The following NAA50 variants were observed in gnomAD, a reference collection of about 807,000 sequenced individuals.
NAA50 encodes N-alpha-acetyltransferase 50.
In NAA50, 7 loss-of-function variants were observed where a neutral mutation model predicts 20.7. The ratio of observed to expected loss-of-function variants is 0.34; its 90% CI spans 0.19 to 0.63. The LOEUF (loss-of-function observed/expected upper bound fraction) is 0.63, where lower values mean the gene tolerates loss of function less well. Ranked by LOEUF, NAA50 falls within the 30% of genes least tolerant of loss-of-function variation. The pLI, the probability that NAA50 is intolerant of heterozygous loss-of-function variation, is 0.75. For missense variants in NAA50, 111 were observed against 199.1 expected (o/e 0.56, Z 2.66); for synonymous variants, 54 against 70.6 (o/e 0.77, Z 1.18).
intron 1 of NAA50, among the ~76,000 whole-genome samples, chr3:113,740,610 A>C (rs1047901958): frequency 5.3e-5 from 8 of 152,300 alleles, no homozygotes; most frequent in African/African-American, 1.9e-4. Context: ...TCCTGGGCTC[A>C]AGTGATCCTC....
intron 1 of NAA50, among the ~76,000 whole-genome samples, chr3:113,728,893 G>A (rs951335736): frequency 6.6e-6 from 1 of 151,944 alleles, no homozygotes; most frequent in Non-Finnish European, 1.5e-5. Context: ...TCAATTGATG[G>A]CCTCTCCATC....
intron 1 of NAA50, among the ~76,000 whole-genome samples, chr3:113,741,604 T>A (rs1023650637): frequency 6.6e-6 from 1 of 152,222 alleles, no homozygotes; most frequent in Non-Finnish European, 1.5e-5. Flanking sequence ...ACTCTACTGA[T>A]CACATGTGCA....
chr3:113,721,795 C>T lies in NAA50; in HGVS notation c.475G>A (p.Gly159Ser). The stretch of plus-strand genomic sequence containing the variant: ...GTCTTTTGCACATCTGCATTCTGAC[C>T]AGAAGGAACTTTGAGGTTTTTCTGC... ...VLQKNLKVPS[G>S]QNADVQKTDN The change falls in exon 5 of 5, where the codon GGT becomes AGT. Residue 159 changes from glycine (G) to serine (S), a missense_variant. Coordinates refer to ENST00000240922, the MANE Select transcript of NAA50 (RefSeq NM_025146.4). 1 of 1,613,864 alleles carries T rather than the reference C, an allele frequency of 6.2e-7. No homozygotes were observed. Among genetic ancestry groups the T allele is most frequent in the African/African-American group, 1.3e-5 (1 of 75,012 alleles).
Position 113,718,296 on chromosome 3 carries a change from TG to T in NAA50, c.*3463del, listed in dbSNP as rs757022645. The stretch of plus-strand genomic sequence containing the variant: ...CCTCTAGCCTTGTCAAGCTTCAAGA[TG>T]GTACAGTCCTGGCTAACAGCTTGAC... On this transcript the variant is annotated 3_prime_UTR_variant, in exon 5 of 5. Coordinates refer to ENST00000240922, the MANE Select transcript of NAA50 (RefSeq NM_025146.4). 2 of 152,224 alleles carry T rather than the reference TG, an allele frequency of 1.3e-5. No individual in the cohort carries two copies. Among genetic ancestry groups the T allele is most frequent in the Non-Finnish European group, 2.9e-5 (2 of 68,038 alleles). The allele number at this position is 152,224 out of a possible 1,614,324, so 9.4% of individuals were successfully genotyped here.
At chr3:113,735,391 A>C (rs1708325066) in intron 1 of NAA50, among the ~76,000 whole-genome samples, 1 of 152,194 alleles carries the variant, frequency 6.6e-6, no homozygotes, top group South Asian at 2.1e-4. Context: ...TTTAACACCC[A>C]TCTAAATTAA....
intron 1 of NAA50, among the ~76,000 whole-genome samples, chr3:113,739,764 T>C (rs1229194223): frequency 1.3e-5 from 2 of 152,186 alleles, no homozygotes; most frequent in African/African-American, 4.8e-5. Context: ...GTTGAAACAT[T>C]TAGAAATATC....
chr3:113,737,957 C>A (rs1281995576), intron 1 of NAA50, among the ~76,000 whole-genome samples: 1 of 152,128 alleles, frequency 6.6e-6, no homozygotes, highest in East Asian at 1.9e-4. Context: ...GTAATCCCAG[C>A]ATTTTGGGAA....
At chr3:113,738,809 T>C (rs1222685178) in intron 1 of NAA50, among the ~76,000 whole-genome samples, 3 of 152,222 alleles carry the variant, frequency 2.0e-5, no homozygotes, top group Non-Finnish European at 4.4e-5. Context: ...CCTAATTTTC[T>C]GGAAAAAGAA....
chr3:113,734,259 T>TC lies in NAA50; in HGVS notation c.9-10165_9-10164insG, dbSNP rs1351278453. Among the ~76,000 whole-genome samples, 36 of 152,112 alleles carry TC rather than the reference T, an allele frequency of 2.4e-4. 1 individual carries two copies. Among genetic ancestry groups the TC allele is most frequent in the African/African-American group, 6.5e-4 (27 of 41,480 alleles). Reference sequence around the variant, plus strand: ...GTGGGAGCTGAACACTGGGTACATATGAACATAAAGATGGGAACAACAGAT... The same window carrying TC: ...GTGGGAGCTGAACACTGGGTACATATCGAACATAAAGATGGGAACAACAGAT... On this transcript the variant is annotated intron_variant, in intron 1 of 4. Transcript: ENST00000240922.
intron 4 of NAA50, 29 bp downstream of exon 4, chr3:113,722,877 A>G: frequency 1.3e-6 from 2 of 1,500,480 alleles, no homozygotes; most frequent in Non-Finnish European, 1.8e-6. Flanking sequence ...AACCCCTTTG[A>G]TAAGAACATT....
rs1708501841 is a variant in NAA50 at position 113,746,231 on chromosome 3, T to G, written c.-282A>C. On this transcript the variant is annotated 5_prime_UTR_variant, in exon 1 of 5. Transcript: ENST00000240922. Reference sequence around the variant, plus strand: ...CGCCGCTGCCGCCAGCCAGACCCGCTGCCGCGCTGTGACCTTTCACCCCGC... The same window carrying G: ...CGCCGCTGCCGCCAGCCAGACCCGCGGCCGCGCTGTGACCTTTCACCCCGC... The G allele has an allele frequency of 4.6e-5, 18 of 393,880 alleles. No homozygotes were observed. The highest frequency in any genetic ancestry group is 3.7e-4 in the East Asian group (7 of 19,040). The allele number at this position is 393,880 out of a possible 1,614,324, so 24.4% of individuals were successfully genotyped here. A position where few individuals can be genotyped will look rare whatever the true frequency, so the allele number is the denominator to read the frequency against.
intron 1 of NAA50, among the ~76,000 whole-genome samples, chr3:113,740,601 C>T (rs1250963586): frequency 6.6e-6 from 1 of 152,196 alleles, no homozygotes; most frequent in Non-Finnish European, 1.5e-5. Flanking sequence ...GTCTTGAACT[C>T]CTGGGCTCAA....
chr3:113,742,714 T>C (rs1310279315), intron 1 of NAA50, among the ~76,000 whole-genome samples: 1 of 152,214 alleles, frequency 6.6e-6, no homozygotes, highest in Non-Finnish European at 1.5e-5. Flanking sequence ...TGGCTCCCTT[T>C]ACTATTCCAA....
At chr3:113,741,078 C>T in intron 1 of NAA50, 1 of 516,742 alleles carries the variant, frequency 1.9e-6, no homozygotes, top group Non-Finnish European at 3.8e-6. Flanking sequence ...TGTCCACATA[C>T]AGCATTAATT....
chr3:113,727,571 A>G (rs936512276), intron 1 of NAA50, among the ~76,000 whole-genome samples: 2 of 152,138 alleles, frequency 1.3e-5, no homozygotes, highest in African/African-American at 4.8e-5. Flanking sequence ...AGAAAACAAT[A>G]TTGAACCATT....
Position 113,723,549 on chromosome 3 carries a change from G to A in NAA50, c.146-8C>T. On this transcript the variant is annotated splice_polypyrimidine_tract_variant and splice_region_variant and intron_variant, in intron 2 of 4. Transcript: ENST00000240922. ...CAATATCATTGAAATAGGCTGCCAA[G>A]GAAAACATAAAGATATAATGTTGAA... 2 of 1,593,192 alleles carry A rather than the reference G, an allele frequency of 1.3e-6. No homozygotes were observed. Among genetic ancestry groups the A allele is most frequent in the Admixed American group, 1.8e-5 (1 of 56,172 alleles).
chr3:113,721,687 G>T lies in NAA50; in HGVS notation c.*73C>A. ...AAAGCTTTAAAAGAAAAGTGTTGGG[G>T]TGGGGGAGGAATCAATGGGCCTCTC... On this transcript the variant is annotated 3_prime_UTR_variant, in exon 5 of 5. Transcript: ENST00000240922. 6.7e-7 allele frequency: 1 copy of T among 1,487,706 alleles called. No homozygotes were observed. 92.2% of individuals were successfully genotyped at this position (1,487,706 alleles called of 1,614,324 possible).
At chr3:113,733,246 G>C (rs1355375354) in intron 1 of NAA50, among the ~76,000 whole-genome samples, 2 of 151,898 alleles carry the variant, frequency 1.3e-5, no homozygotes, top group South Asian at 4.2e-4. Context: ...TTCTTACCAC[G>C]GTATCATACT....
chr3:113,735,874 G>C lies in NAA50; in HGVS notation c.8+10068C>G, dbSNP rs763766935. Among the ~76,000 whole-genome samples the C allele has an allele frequency of 9.2e-5, 14 of 152,300 alleles. No individual in the cohort carries two copies. In the East Asian group the frequency reaches 1.9e-3, roughly 21 times the overall value. ...ATTTTTGCATTTTTAGTAGAGACAG[G>C]GTTTCGCCATGTTGGCCAGGCTGGT... On this transcript the variant is annotated intron_variant, in intron 1 of 4. Coordinates refer to ENST00000240922, the MANE Select transcript of NAA50 (RefSeq NM_025146.4).
Sources: gnomAD v4.1 joint callset for allele counts (sites outside exome capture counted in the v4.1 genomes callset) on GRCh38, gnomAD v4.1.1 for gene constraint, MANE v1.5 for transcripts, NCBI Gene and HGNC (gene_info 2026-07-23, HGNC 2026-07-21) for gene names.